Variants in TRAPPC6B observed in about 807,000 individuals in gnomAD.
TRAPPC6B encodes the protein trafficking protein particle complex subunit 6B, also known as TRAPP complex subunit 6B.
A neutral mutation model predicts 24.7 loss-of-function variants in TRAPPC6B; 27 were observed. The observed-to-expected ratio is 1.09, with a 90% CI of 0.81 to 1.51. The LOEUF (loss-of-function observed/expected upper bound fraction) is 1.51, where lower values mean the gene tolerates loss of function less well. Among genes scored for constraint, TRAPPC6B ranks in the 40% most tolerant of loss-of-function variants. TRAPPC6B has a pLI of 0.00. For missense variants in TRAPPC6B, 212 were observed against 190.8 expected, an observed-to-expected ratio of 1.11 and a Z score of -0.66; for synonymous variants, 80 against 66.6, an observed-to-expected ratio of 1.20 and a Z score of -0.98.
intron 1 of TRAPPC6B, among the ~76,000 whole-genome samples, chr14:39,161,723 C>T (rs565700140): frequency 6.6e-6 from 1 of 152,274 alleles, no homozygotes; most frequent in African/African-American, 2.4e-5. Flanking sequence ...ACCAGGTACA[C>T]TTCACTAGCC....
Position 39,162,420 on chromosome 14 carries a change from G to A in TRAPPC6B, c.82-2870C>T, listed in dbSNP as rs115292957. 7.6e-3 allele frequency among the ~76,000 whole-genome samples: 1,153 copies of A among 152,078 alleles called. 13 individuals are homozygous for A. The highest frequency in any genetic ancestry group is 0.025 in the African/African-American group (1,053 of 41,442). ...TATCCTCCTGGCTTGGCCTCCCAAA[G>A]CTGTGGGACTACAGGTGTGAGCCAC... On this transcript the variant is annotated intron_variant, in intron 1 of 5. Transcript: ENST00000330149.
rs777012363 is a variant in TRAPPC6B at position 39,154,204 on chromosome 14, T to G, written c.351+7A>C. On this transcript the variant is annotated splice_region_variant and intron_variant, in intron 4 of 5. Coordinates refer to ENST00000330149, the MANE Select transcript of TRAPPC6B (RefSeq NM_001079537.2). ...ACAAAAACCCCAACTTCTATTCCAT[T>G]AAATACCTTAGATGCATGTTCTAAA... 5 of 1,593,912 alleles carry G rather than the reference T, an allele frequency of 3.1e-6. No individual in the cohort carries two copies. In the Admixed American group the frequency reaches 8.4e-5, roughly 27 times the overall value.
chr14:39,152,186 G>A (rs1434023093), intron 4 of TRAPPC6B, among the ~76,000 whole-genome samples: 2 of 152,312 alleles, frequency 1.3e-5, no homozygotes, highest in African/African-American at 4.8e-5. Flanking sequence ...AGGATTCTAA[G>A]TAGATACAGT....
chr14:39,156,114 C>A (rs2052975310), intron 3 of TRAPPC6B, among the ~76,000 whole-genome samples: 1 of 152,106 alleles, frequency 6.6e-6, no homozygotes, highest in Non-Finnish European at 1.5e-5. Context: ...ATTAGTAAAT[C>A]ATGTCTAGAG....
chr14:39,150,415 T>C (rs1443751086), intron 5 of TRAPPC6B, 34 bp from the exon 6 acceptor site: 2 of 1,479,506 alleles, frequency 1.4e-6, no homozygotes, highest in Non-Finnish European at 9.2e-7. Flanking sequence ...TCTTTGATTT[T>C]AGATACAAAG....
At chr14:39,159,687 G>A (rs2053032147) in intron 1 of TRAPPC6B, 137 bp from the exon 2 acceptor site, 2 of 498,306 alleles carry the variant, frequency 4.0e-6, no homozygotes, top group South Asian at 5.8e-5. Context: ...AAGAAAAAGT[G>A]AATTATAAGG....
intron 5 of TRAPPC6B, among the ~76,000 whole-genome samples, chr14:39,150,639 A>G (rs2052900305): frequency 6.6e-6 from 1 of 152,072 alleles, no homozygotes; most frequent in Admixed American, 6.6e-5. Flanking sequence ...CCTGGGTTCA[A>G]GTGATTCTCC....
intron 3 of TRAPPC6B, among the ~76,000 whole-genome samples, chr14:39,155,390 C>T (rs555556101): frequency 3.9e-4 from 60 of 152,102 alleles, no homozygotes; most frequent in Non-Finnish European, 6.9e-4. Context: ...TACAGGCATG[C>T]GCCACTACGC....
intron 1 of TRAPPC6B, among the ~76,000 whole-genome samples, chr14:39,160,289 C>T (rs1346903479): frequency 6.6e-6 from 1 of 151,900 alleles, no homozygotes; most frequent in Non-Finnish European, 1.5e-5. Context: ...TTAATAGAAA[C>T]AAACCCCTCA....
chr14:39,154,411 T>C lies in TRAPPC6B; in HGVS notation c.268-117A>G, dbSNP rs45552842. 1.1e-4 allele frequency: 72 copies of C among 652,532 alleles called. No homozygotes were observed. In the Middle Eastern group the frequency reaches 1.7e-3, roughly 15 times the overall value. 40.4% of individuals were successfully genotyped at this position (652,532 alleles called of 1,614,324 possible). A position where few individuals can be genotyped will look rare whatever the true frequency, so the allele number is the denominator to read the frequency against. On this transcript the variant is annotated intron_variant, in intron 3 of 5. Coordinates refer to ENST00000330149, the MANE Select transcript of TRAPPC6B (RefSeq NM_001079537.2). The stretch of plus-strand genomic sequence containing the variant: ...AAAGTTATTAAAAGTCTCCTTCCCA[T>C]TGGCCAAGTTTTCTTTTTCTGTTCT...
intron 1 of TRAPPC6B, among the ~76,000 whole-genome samples, chr14:39,168,312 G>A (rs1341736949): frequency 1.3e-5 from 2 of 151,946 alleles, no homozygotes; most frequent in Non-Finnish European, 2.9e-5. Flanking sequence ...GGGATCGGGG[G>A]TTATGACAAA....
Position 39,170,066 on chromosome 14 carries a change from G to A in TRAPPC6B, c.30C>T (p.Leu10=), listed in dbSNP as rs373593345. 2.0e-5 allele frequency: 33 copies of A among 1,613,990 alleles called. No individual in the cohort carries two copies. Among genetic ancestry groups the A allele is most frequent in the Non-Finnish European group, 2.5e-5 (30 of 1,180,028 alleles). The change falls in exon 1 of 6, where the codon CTC becomes CTT. Residue 10 remains leucine, a synonymous_variant. Coordinates refer to ENST00000330149, the MANE Select transcript of TRAPPC6B (RefSeq NM_001079537.2). ...ACACTCCAGACACCATCTCGTTATG[G>A]AGAAGCAAAAACAACGCCTCATCCG... is the stretch of plus-strand genomic sequence containing the variant. MADEALFLL[L]HNEMVSGVYK...
intron 1 of TRAPPC6B, among the ~76,000 whole-genome samples, chr14:39,167,342 G>C (rs572489236): frequency 1.4e-4 from 21 of 152,032 alleles, no homozygotes; most frequent in Non-Finnish European, 2.9e-4. Context: ...AAGTCTTATG[G>C]AAGTTTATTT....
chr14:39,161,619 C>G (rs1020791935), intron 1 of TRAPPC6B, among the ~76,000 whole-genome samples: 1 of 152,198 alleles, frequency 6.6e-6, no homozygotes, highest in Non-Finnish European at 1.5e-5. Context: ...AGCTCGCTCA[C>G]TCCGTGTCTG....
At chr14:39,167,058 T>C (rs1026843356) in intron 1 of TRAPPC6B, among the ~76,000 whole-genome samples, 1 of 152,208 alleles carries the variant, frequency 6.6e-6, no homozygotes, top group Non-Finnish European at 1.5e-5. Context: ...AATATGCTTA[T>C]ATGCAGACAC....
intron 1 of TRAPPC6B, among the ~76,000 whole-genome samples, chr14:39,163,867 T>C (rs1288170085): frequency 6.6e-6 from 1 of 150,990 alleles, no homozygotes; most frequent in Non-Finnish European, 1.5e-5. Context: ...ATATTCATTT[T>C]ATTAATGTCT....
intron 1 of TRAPPC6B, among the ~76,000 whole-genome samples, chr14:39,168,867 C>T (rs2053135774): frequency 6.6e-6 from 1 of 152,176 alleles, no homozygotes; most frequent in African/African-American, 2.4e-5. Flanking sequence ...CTCTCTAGCC[C>T]AAACACTGGA....
rs1372690817 is a variant in TRAPPC6B at position 39,147,834 on chromosome 14, T to C, written c.*2516A>G. On this transcript the variant is annotated 3_prime_UTR_variant, in exon 6 of 6. Coordinates refer to ENST00000330149, the MANE Select transcript of TRAPPC6B (RefSeq NM_001079537.2). ...TATTATCACATTTTCTTTAGTACTTTATTGTTTTACAAGTGAACCTTTAAG... is the reference window on the plus strand; with the variant it reads ...TATTATCACATTTTCTTTAGTACTTCATTGTTTTACAAGTGAACCTTTAAG... The C allele has an allele frequency of 6.6e-6, 1 of 152,216 alleles. No individual in the cohort carries two copies. The highest frequency in any genetic ancestry group is 1.5e-5 in the Non-Finnish European group (1 of 68,040). 9.4% of individuals were successfully genotyped at this position (152,216 alleles called of 1,614,324 possible).
Position 39,158,496 on chromosome 14 carries a change from C to T in TRAPPC6B, c.150-94G>A, listed in dbSNP as rs539876630. The T allele has an allele frequency of 1.1e-5, 8 of 735,114 alleles. No individual in the cohort carries two copies. The South Asian group carries it at 1.2e-4, about 11-fold the overall frequency. The allele number at this position is 735,114 out of a possible 1,614,324, so 45.5% of individuals were successfully genotyped here. A position where few individuals can be genotyped will look rare whatever the true frequency, so the allele number is the denominator to read the frequency against. On this transcript the variant is annotated intron_variant, in intron 2 of 5. Coordinates refer to ENST00000330149, the MANE Select transcript of TRAPPC6B (RefSeq NM_001079537.2). ...CTAATTTCCAAATGCCAGAACAGCA[C>T]TGAACATTTATTGGGTTTTTTAATT...
Sources: allele counts gnomAD v4.1 joint callset (sites outside exome capture counted in the v4.1 genomes callset), GRCh38; gene constraint gnomAD v4.1.1; transcripts MANE v1.5; gene names NCBI Gene and HGNC (gene_info 2026-07-23, HGNC 2026-07-21).